Variants in MUSK observed in about 807,000 individuals in gnomAD.
MUSK encodes muscle, skeletal receptor tyrosine-protein kinase.
MUSK carries 55 observed loss-of-function variants against 88.7 expected under a neutral mutation model. The observed-to-expected ratio is 0.62, with a 90% CI of 0.50 to 0.78. The LOEUF (loss-of-function observed/expected upper bound fraction) is 0.78. MUSK is among the 30% of genes least tolerant of loss of function. The probability of loss-of-function intolerance (pLI) is 0.00; values close to 1 mark genes in which losing one functional copy is unlikely to be tolerated. For missense variants in MUSK, 1,015 were observed against 1,074.3 expected (o/e 0.94, Z 0.77); for synonymous variants, 387 against 391.9 (o/e 0.99, Z 0.15).
chr9:110,682,894 G>C (rs1415678599), intron 2 of MUSK, 94 bp downstream of exon 2: 2 of 868,938 alleles, frequency 2.3e-6, no homozygotes, highest in Non-Finnish European at 3.4e-6. Context: ...GAGATGTTTT[G>C]ATACAGGCAT....
At chr9:110,718,046 G>A (rs563649840) in intron 5 of MUSK, among the ~76,000 whole-genome samples, 1 of 152,218 alleles carries the variant, frequency 6.6e-6, no homozygotes, top group East Asian at 1.9e-4. Flanking sequence ...AAAGATGTTG[G>A]CCACTTCTGC....
At chr9:110,797,162 C>A (rs1213732022) in intron 14 of MUSK, among the ~76,000 whole-genome samples, 95 of 16,768 alleles carry the variant, frequency 5.7e-3, no homozygotes, top group South Asian at 0.015. Context: ...CATGAATACC[C>A]AAAAAAAAAA....
chr9:110,698,575 A>C (rs1471123899), intron 5 of MUSK, among the ~76,000 whole-genome samples: 2 of 152,004 alleles, frequency 1.3e-5, no homozygotes, highest in Admixed American at 6.6e-5. Context: ...TATTTCCTTG[A>C]TGGACATTCC....
intron 5 of MUSK, among the ~76,000 whole-genome samples, chr9:110,715,155 G>GA (rs1305710798): frequency 2.0e-5 from 3 of 149,820 alleles, no homozygotes; most frequent in Non-Finnish European, 4.4e-5. Flanking sequence ...TCATGACTCA[G>GA]AAAGATATCC....
rs577871341 is a variant in MUSK, at chr9:110,688,658, C to CCATGTGTT, written c.358+1400_358+1407dup. Among the ~76,000 whole-genome samples, 132 of 152,018 alleles carry CCATGTGTT rather than the reference C, an allele frequency of 8.7e-4. 3 individuals are homozygous for CCATGTGTT. In the South Asian group the frequency reaches 0.021, roughly 24 times the overall value. On this transcript the variant is annotated intron_variant, in intron 3 of 14. Transcript: ENST00000374448. ...CAGGCCCCGTGTGTGCTGTTTCCCCCCATGTGTTCATGTGTTCCCATCGTT... is the reference window on the plus strand; with the variant it reads ...CAGGCCCCGTGTGTGCTGTTTCCCCCCATGTGTTCATGTGTTCATGTGTTCCCATCGTT...
At chr9:110,790,256 A>G (rs749439659) in intron 14 of MUSK, among the ~76,000 whole-genome samples, 1 of 152,144 alleles carries the variant, frequency 6.6e-6, no homozygotes, top group Non-Finnish European at 1.5e-5. Context: ...GAGGTTTCTT[A>G]GGAATGTTGG....
chr9:110,697,182 T>A (rs981587056), intron 4 of MUSK, 143 bp from the exon 5 acceptor site: 69 of 797,768 alleles, frequency 8.6e-5, no homozygotes, highest in Non-Finnish European at 1.2e-4. Context: ...ATATTGTATG[T>A]TTTACATAAT....
In MUSK at chr9:110,755,953, C is replaced by CATATATATATACAT. The variant is rs1272110710; in HGVS notation, c.914-6223_914-6210dup. 2.7e-4 allele frequency among the ~76,000 whole-genome samples: 19 copies of CATATATATATACAT among 70,674 alleles called. 1 individual carries two copies. The highest frequency in any genetic ancestry group is 8.8e-3 in the Middle Eastern group (1 of 114). 46.4% of individuals were successfully genotyped at this position (70,674 alleles called of 152,430 possible). On this transcript the variant is annotated intron_variant, in intron 7 of 14. Coordinates refer to ENST00000374448, the MANE Select transcript of MUSK (RefSeq NM_005592.4). ...ATATACATATATATATATATATACACATATATATATACATATATATATATA... is the reference window on the plus strand; with the variant it reads ...ATATACATATATATATATATATACACATATATATATACATATATATATATACATATATATATATA...
At position 110,675,966 on chromosome 9, in the gene MUSK, T is replaced by C. The variant is rs571280641; in HGVS notation, c.80-6708T>C. ...TTAATAAAATATTGTTTTTGTTCTTTATCTCTCAATATCTAGATGATTATA... is the reference window on the plus strand; with the variant it reads ...TTAATAAAATATTGTTTTTGTTCTTCATCTCTCAATATCTAGATGATTATA... On this transcript the variant is annotated intron_variant, in intron 1 of 14. Transcript: ENST00000374448. 6.6e-5 allele frequency among the ~76,000 whole-genome samples: 10 copies of C among 152,242 alleles called. No homozygotes were observed. In the East Asian group the frequency reaches 1.9e-3, roughly 29 times the overall value.
chr9:110,759,342 A>G (rs185136204), intron 7 of MUSK, among the ~76,000 whole-genome samples: 7 of 152,386 alleles, frequency 4.6e-5, no homozygotes, highest in Admixed American at 2.0e-4. Context: ...AAGATGGATT[A>G]TAGACCTAAT....
chr9:110,715,014 G>A (rs1380358862), intron 5 of MUSK, among the ~76,000 whole-genome samples: 1 of 147,944 alleles, frequency 6.8e-6, no homozygotes, highest in Non-Finnish European at 1.5e-5. Context: ...AAGGAGTTAA[G>A]GATATGCTTT....
At chr9:110,786,937 G>A (rs2077878200) in intron 13 of MUSK, among the ~76,000 whole-genome samples, 1 of 152,138 alleles carries the variant, frequency 6.6e-6, no homozygotes. Context: ...TACATGAATA[G>A]TGAAAATCTC....
In MUSK at chr9:110,735,441, T is replaced by G. The variant is rs144098550; in HGVS notation, c.753+1066T>G. 3.3e-5 allele frequency among the ~76,000 whole-genome samples: 5 copies of G among 152,252 alleles called. 1 individual carries two copies. The highest frequency in any genetic ancestry group is 2.1e-4 in the South Asian group (1 of 4,822). On this transcript the variant is annotated intron_variant, in intron 6 of 14. Coordinates refer to ENST00000374448, the MANE Select transcript of MUSK (RefSeq NM_005592.4). ...TGGATGGAACCGCAGGACATTATGT[T>G]AAGTGAAATAAACCAGACACAGCAA...
chr9:110,754,586 T>A (rs1280995949), intron 7 of MUSK, among the ~76,000 whole-genome samples: 1 of 152,242 alleles, frequency 6.6e-6, no homozygotes, highest in African/African-American at 2.4e-5. Context: ...CATTGGCTTA[T>A]CTCCATGCTC....
Position 110,694,411 on chromosome 9 carries a change from A to G in MUSK, c.359-992A>G, listed in dbSNP as rs979642705. The stretch of plus-strand genomic sequence containing the variant: ...AAAAAAAAAAAAAAAAAAAAACAAA[A>G]AAACAAAACCCAACAGGTCATGAAG... On this transcript the variant is annotated intron_variant, in intron 3 of 14. Coordinates refer to ENST00000374448, the MANE Select transcript of MUSK (RefSeq NM_005592.4). Among the ~76,000 whole-genome samples the G allele has an allele frequency of 1.4e-5, 2 of 143,606 alleles. 1 individual carries two copies. Among genetic ancestry groups the G allele is most frequent in the Non-Finnish European group, 3.0e-5 (2 of 67,264 alleles). The allele number at this position is 143,606 out of a possible 152,430, so 94.2% of individuals were successfully genotyped here.
At chr9:110,719,158 C>A (rs1046615951) in intron 5 of MUSK, among the ~76,000 whole-genome samples, 2 of 151,910 alleles carry the variant, frequency 1.3e-5, no homozygotes, top group African/African-American at 4.8e-5. Flanking sequence ...AACAGTAACA[C>A]AATGAAAACA....
At chr9:110,748,174 A>C (rs1225214799) in intron 7 of MUSK, among the ~76,000 whole-genome samples, 196 of 95,738 alleles carry the variant, frequency 2.0e-3, no homozygotes, top group Middle Eastern at 7.8e-3. Context: ...TCCCTCCTTC[A>C]TTCCTCCCTC....
Position 110,798,872 on chromosome 9 carries a change from T to C in MUSK, c.1928-1434T>C, listed in dbSNP as rs72758668. On this transcript the variant is annotated intron_variant, in intron 14 of 14. Coordinates refer to ENST00000374448, the MANE Select transcript of MUSK (RefSeq NM_005592.4). Reference sequence around the variant, plus strand: ...ATAATAATCACAAAGTAGAAATCTTTTGTATAGTATTTTCTTTATCAGAGT... The same window carrying C: ...ATAATAATCACAAAGTAGAAATCTTCTGTATAGTATTTTCTTTATCAGAGT... Among the ~76,000 whole-genome samples the C allele has an allele frequency of 7.9e-3, 1,209 of 152,276 alleles. 12 individuals are homozygous for C. The highest frequency in any genetic ancestry group is 0.017 in the Middle Eastern group (5 of 294).
chr9:110,718,168 G>T (rs978826669), intron 5 of MUSK, among the ~76,000 whole-genome samples: 7 of 152,004 alleles, frequency 4.6e-5, no homozygotes, highest in African/African-American at 1.7e-4. Context: ...CCCCATGTGG[G>T]TCTCTCCTCA....
Sources: gnomAD v4.1 joint callset for allele counts (sites outside exome capture counted in the v4.1 genomes callset) on GRCh38, gnomAD v4.1.1 for gene constraint, MANE v1.5 for transcripts, NCBI Gene and HGNC (gene_info 2026-07-23, HGNC 2026-07-21) for gene names.